The following INPP4B variants were observed in gnomAD, a reference collection of about 807,000 sequenced individuals.
INPP4B encodes inositol polyphosphate-4-phosphatase type II B, also known as inositol polyphosphate 4-phosphatase type II.
Under a neutral mutation model 122.5 loss-of-function variants are expected in INPP4B, and 55 were observed. The observed-to-expected ratio is 0.45, with a 90% CI of 0.36 to 0.56. The LOEUF (loss-of-function observed/expected upper bound fraction) is 0.56. INPP4B is among the 20% of genes least tolerant of loss of function. INPP4B has a pLI of 0.00. For missense variants in INPP4B, 1,000 were observed against 1,097.7 expected, an observed-to-expected ratio of 0.91 and a Z score of 1.26; for synonymous variants, 403 against 388.7, an observed-to-expected ratio of 1.04 and a Z score of -0.43.
chr4:142,220,951 C>T (rs1849088570), intron 12 of INPP4B, among the ~76,000 whole-genome samples: 1 of 152,080 alleles, frequency 6.6e-6, no homozygotes, highest in African/African-American at 2.4e-5. Context: ...TTAAGCTAAT[C>T]ACCTCTTTAA....
At chr4:142,054,408 A>G (rs945974168) in intron 25 of INPP4B, among the ~76,000 whole-genome samples, 3 of 152,050 alleles carry the variant, frequency 2.0e-5, no homozygotes, top group Non-Finnish European at 4.4e-5. Context: ...TGGGAATTAA[A>G]CTTAAATTGA....
At chr4:142,654,279 G>A (rs1369432024) in intron 2 of INPP4B, among the ~76,000 whole-genome samples, 1 of 146,480 alleles carries the variant, frequency 6.8e-6, no homozygotes, top group East Asian at 2.1e-4. Flanking sequence ...TAAATGACGA[G>A]TTGATGGGTG....
rs554644748 is a variant in INPP4B, at chr4:142,567,981, T to C, written c.-190-105255A>G. On this transcript the variant is annotated intron_variant, in intron 2 of 25. Coordinates refer to ENST00000262992, the MANE Select transcript of INPP4B (RefSeq NM_001101669.3). ...TCAAATAGTTCATGAGATTTGTTAA[T>C]AAGAGCTGAATGCTTTGGAACAGAG... is the stretch of plus-strand genomic sequence containing the variant. Among the ~76,000 whole-genome samples, 16 of 152,280 alleles carry C rather than the reference T, an allele frequency of 1.1e-4. No homozygotes were observed. In the South Asian group the frequency reaches 3.3e-3, roughly 32 times the overall value.
intron 2 of INPP4B, among the ~76,000 whole-genome samples, chr4:142,502,730 C>A (rs1307120907): frequency 6.6e-6 from 1 of 152,078 alleles, no homozygotes; most frequent in African/African-American, 2.4e-5. Context: ...ATCCACCTGC[C>A]CCATTCTCCC....
intron 1 of INPP4B, among the ~76,000 whole-genome samples, chr4:142,821,997 T>A (rs919646683): frequency 6.6e-5 from 10 of 152,274 alleles, no homozygotes; most frequent in South Asian, 4.1e-4. Context: ...GTGGAAGCCA[T>A]GGGAAGATGG....
chr4:142,387,738 T>G (rs1796416440), intron 7 of INPP4B, among the ~76,000 whole-genome samples: 1 of 152,204 alleles, frequency 6.6e-6, no homozygotes, highest in African/African-American at 2.4e-5. Flanking sequence ...AAAGGATTCA[T>G]GAGGCTAATG....
chr4:142,499,773 C>G (rs1823118772), intron 2 of INPP4B, among the ~76,000 whole-genome samples: 1 of 152,078 alleles, frequency 6.6e-6, no homozygotes, highest in Admixed American at 6.6e-5. Flanking sequence ...TTCCCTTTAA[C>G]CAGTAGAAAA....
intron 7 of INPP4B, among the ~76,000 whole-genome samples, chr4:142,376,661 A>G (rs931300831): frequency 2.0e-5 from 3 of 151,984 alleles, no homozygotes; most frequent in African/African-American, 7.2e-5. Context: ...ATCATCAGCA[A>G]TGAGCTAAGT....
chr4:142,826,659 A>C (rs1239410980), intron 1 of INPP4B, among the ~76,000 whole-genome samples: 3 of 152,000 alleles, frequency 2.0e-5, no homozygotes, highest in Admixed American at 6.6e-5. Flanking sequence ...CTCACCCAAG[A>C]TACTGTTCTT....
At chr4:142,652,030 G>T (rs113692862) in intron 2 of INPP4B, among the ~76,000 whole-genome samples, 3,834 of 152,234 alleles carry the variant, frequency 0.025, 60 homozygotes, top group Middle Eastern at 0.088. Context: ...CCACTATCAG[G>T]TCAGCTTCAT....
At chr4:142,722,276 G>T (rs926550599) in intron 2 of INPP4B, among the ~76,000 whole-genome samples, 4 of 152,136 alleles carry the variant, frequency 2.6e-5, no homozygotes, top group African/African-American at 7.2e-5. Flanking sequence ...ATCTTAAAGA[G>T]AAGTTTTAAG....
intron 11 of INPP4B, among the ~76,000 whole-genome samples, chr4:142,248,928 T>C (rs1351927786): frequency 6.6e-6 from 1 of 152,030 alleles, no homozygotes; most frequent in Non-Finnish European, 1.5e-5. Context: ...CCAGAGGTTG[T>C]TAACATAAAA....
intron 3 of INPP4B, among the ~76,000 whole-genome samples, chr4:142,445,629 CAGAGT>C (rs1812746964): frequency 6.6e-6 from 1 of 151,560 alleles, no homozygotes; most frequent in African/African-American, 2.4e-5. Context: ...CTCTAATTGT[CAGAGT>C]AAACAGAAAA....
chr4:142,075,892 T>A (rs746788329), intron 25 of INPP4B, among the ~76,000 whole-genome samples: 16 of 152,104 alleles, frequency 1.1e-4, no homozygotes, highest in Non-Finnish European at 1.8e-4. Flanking sequence ...TTCCTGGATT[T>A]AAAAATCTGT....
chr4:142,170,701 G>A (rs1825201036), intron 16 of INPP4B, among the ~76,000 whole-genome samples: 1 of 151,684 alleles, frequency 6.6e-6, no homozygotes, highest in African/African-American at 2.4e-5. Flanking sequence ...ACCAATAAAT[G>A]CTAGCTATTA....
intron 1 of INPP4B, among the ~76,000 whole-genome samples, chr4:142,840,709 A>C (rs1581035874): frequency 6.6e-6 from 1 of 152,146 alleles, no homozygotes; most frequent in Admixed American, 6.5e-5. Context: ...GTTTCTAAGC[A>C]TTGCACACTG....
At chr4:142,323,591 A>G (rs1000655889) in intron 7 of INPP4B, among the ~76,000 whole-genome samples, 27 of 151,568 alleles carry the variant, frequency 1.8e-4, no homozygotes, top group South Asian at 4.2e-4. Context: ...GACTACAGGC[A>G]CCCGCCACCA....
At chr4:142,461,469 T>C (rs780987050) in intron 3 of INPP4B, among the ~76,000 whole-genome samples, 1 of 152,184 alleles carries the variant, frequency 6.6e-6, no homozygotes, top group Non-Finnish European at 1.5e-5. Flanking sequence ...TCTTGATACC[T>C]GAGGCTATAT....
chr4:142,356,783 G>C (rs1404975613), intron 7 of INPP4B, among the ~76,000 whole-genome samples: 1 of 151,862 alleles, frequency 6.6e-6, no homozygotes, highest in Non-Finnish European at 1.5e-5. Flanking sequence ...GTGACTCTTG[G>C]TGGGATGCTG....
Sources: allele counts gnomAD v4.1 joint callset (sites outside exome capture counted in the v4.1 genomes callset), GRCh38; gene constraint gnomAD v4.1.1; transcripts MANE v1.5; gene names NCBI Gene and HGNC (gene_info 2026-07-23, HGNC 2026-07-21).